HDAC2: variants seen among roughly 807,000 people sequenced by gnomAD.
HDAC2 encodes YY1-associated factor 1.
A neutral mutation model predicts 68.5 loss-of-function variants in HDAC2; 5 were observed. The observed-to-expected ratio is 0.07, with a 90% CI of 0.04 to 0.15. HDAC2 has a LOEUF of 0.15. HDAC2 is among the 10% of genes least tolerant of loss of function. The probability of loss-of-function intolerance (pLI) is 1.00; values close to 1 mark genes in which losing one functional copy is unlikely to be tolerated. For missense variants in HDAC2, 291 were observed against 600.8 expected (o/e 0.48, Z 5.39); for synonymous variants, 182 against 191.3 (o/e 0.95, Z 0.40).
chr6:113,949,073 C>T lies in HDAC2; in HGVS notation c.747G>A (p.Val249=). ...CAGCACTAGGTTGATACATCTCCAT[C>T]ACCTTTGAGATAATCTACACACAAG... The part of the protein sequence containing the change: ...GQIFKPIISK[V]MEMYQPSAVV... Residue 249 remains valine (V), a synonymous_variant, in exon 8 of 14, where the codon GTG becomes GTA. Transcript: ENST00000519065. 6.2e-7 allele frequency: 1 copy of T among 1,613,350 alleles called. No homozygotes were observed. The highest frequency in any genetic ancestry group is 8.5e-7 in the Non-Finnish European group (1 of 1,179,450).
intron 9 of HDAC2, among the ~76,000 whole-genome samples, 166 bp downstream of exon 9, chr6:113,945,842 T>C (rs550474530): frequency 6.6e-6 from 1 of 152,354 alleles, no homozygotes; most frequent in South Asian, 2.1e-4. Context: ...ACGTTTAAAG[T>C]AGGCTGGGCT....
chr6:113,944,257 G>T, intron 11 of HDAC2, 23 bp downstream of exon 11: 1 of 1,596,326 alleles, frequency 6.3e-7, no homozygotes. Context: ...TGACAAATTG[G>T]AAAAATAAAG....
chr6:113,962,954 ACT>A (rs1444824940), intron 1 of HDAC2, among the ~76,000 whole-genome samples: 1 of 142,934 alleles, frequency 7.0e-6, no homozygotes, highest in African/African-American at 2.6e-5. Flanking sequence ...ACAGAGCGAG[ACT>A]CTGTATCAAA....
In HDAC2 at chr6:113,934,726, T is replaced by G. The variant is rs974676812; in HGVS notation, c.*6332A>C. 1 of 152,188 alleles carries G rather than the reference T, an allele frequency of 6.6e-6. No homozygotes were observed. Among genetic ancestry groups the G allele is most frequent in the Non-Finnish European group, 1.5e-5 (1 of 68,040 alleles). The allele number at this position is 152,188 out of a possible 1,614,324, so 9.4% of individuals were successfully genotyped here. A position where few individuals can be genotyped will look rare whatever the true frequency, so the allele number is the denominator to read the frequency against. ...CCATTTACTTTAAGACATATAAATTTGGATTTCAAACAAAACAGCTTACAA... is the reference window on the plus strand; with the variant it reads ...CCATTTACTTTAAGACATATAAATTGGGATTTCAAACAAAACAGCTTACAA... On this transcript the variant is annotated 3_prime_UTR_variant, in exon 14 of 14. Coordinates refer to ENST00000519065, the MANE Select transcript of HDAC2 (RefSeq NM_001527.4).
At chr6:113,946,275 A>C in intron 8 of HDAC2, 127 bp from the exon 9 acceptor site, 1 of 681,930 alleles carries the variant, frequency 1.5e-6, no homozygotes. Context: ...TTTTAAAAAC[A>C]AATAAAAATG....
Position 113,939,970 on chromosome 6 carries a change from T to C in HDAC2, c.*1088A>G, listed in dbSNP as rs1039493021. 1 of 152,200 alleles carries C rather than the reference T, an allele frequency of 6.6e-6. No individual in the cohort carries two copies. The highest frequency in any genetic ancestry group is 2.4e-5 in the African/African-American group (1 of 41,450). The allele number at this position is 152,200 out of a possible 1,614,324, so 9.4% of individuals were successfully genotyped here. On this transcript the variant is annotated 3_prime_UTR_variant, in exon 14 of 14. Transcript: ENST00000519065. ...TCTGTAATTTTTAATCTCAAAAGAA[T>C]CAATGTGGGCCTGACAAAAAGGGAG...
intron 12 of HDAC2, among the ~76,000 whole-genome samples, chr6:113,943,086 T>C (rs1168368942): frequency 6.6e-6 from 1 of 152,182 alleles, no homozygotes; most frequent in Admixed American, 6.5e-5. Flanking sequence ...AACCAATCTA[T>C]ATCACAATGC....
chr6:113,939,608 A>G lies in HDAC2; in HGVS notation c.*1450T>C, dbSNP rs566110262. On this transcript the variant is annotated 3_prime_UTR_variant, in exon 14 of 14. Transcript: ENST00000519065. ...ACAGATTGATAACAAATATGTAGCA[A>G]AAGTACAAAAACATGGGTAAAATAT... 18 of 152,308 alleles carry G rather than the reference A, an allele frequency of 1.2e-4. No individual in the cohort carries two copies. The highest frequency in any genetic ancestry group is 3.8e-4 in the African/African-American group (16 of 41,570). 9.4% of individuals were successfully genotyped at this position (152,308 alleles called of 1,614,324 possible). A position where few individuals can be genotyped will look rare whatever the true frequency, so the allele number is the denominator to read the frequency against.
intron 5 of HDAC2, 91 bp downstream of exon 5, chr6:113,955,922 C>A: frequency 1.2e-6 from 1 of 864,928 alleles, no homozygotes; most frequent in Non-Finnish European, 1.7e-6. Flanking sequence ...CTATGGTTTA[C>A]CTAATATTTT....
At chr6:113,952,387 A>G (rs1341071278) in intron 6 of HDAC2, among the ~76,000 whole-genome samples, 1 of 152,366 alleles carries the variant, frequency 6.6e-6, no homozygotes, top group South Asian at 2.1e-4. Flanking sequence ...TTACTCAAAG[A>G]GTTTACTGAG....
Position 113,944,428 on chromosome 6 carries a change from A to AG in HDAC2, c.1092-19dup. 6.2e-7 allele frequency: 1 copy of AG among 1,601,154 alleles called. No homozygotes were observed. Among genetic ancestry groups the AG allele is most frequent in the Non-Finnish European group, 8.5e-7 (1 of 1,172,960 alleles). The stretch of plus-strand genomic sequence containing the variant: ...AACGCTGTCTAAATTACACATGCAA[A>AG]GTTTATTAGACAAAATTAAATTTCT... On this transcript the variant is annotated intron_variant, in intron 10 of 13. Coordinates refer to ENST00000519065, the MANE Select transcript of HDAC2 (RefSeq NM_001527.4).
At chr6:113,970,798 G>C in intron 1 of HDAC2, 59 bp downstream of exon 1, 3 of 1,455,204 alleles carry the variant, frequency 2.1e-6, no homozygotes, top group Non-Finnish European at 2.7e-6. Context: ...CGCGACGGCA[G>C]CCGCGGAACC....
In HDAC2 at chr6:113,936,578, C is replaced by T. The variant is rs1776003263; in HGVS notation, c.*4480G>A. On this transcript the variant is annotated 3_prime_UTR_variant, in exon 14 of 14. Coordinates refer to ENST00000519065, the MANE Select transcript of HDAC2 (RefSeq NM_001527.4). ...CCACTATGACCTAGTAGTCTTCACA[C>T]TAGTAGGCATCAAACTGCAATAAAA... 1 of 152,136 alleles carries T rather than the reference C, an allele frequency of 6.6e-6. No individual in the cohort carries two copies. The highest frequency in any genetic ancestry group is 2.4e-5 in the African/African-American group (1 of 41,418). 9.4% of individuals were successfully genotyped at this position (152,136 alleles called of 1,614,324 possible). A position where few individuals can be genotyped will look rare whatever the true frequency, so the allele number is the denominator to read the frequency against.
Position 113,971,030 on chromosome 6 carries a change from G to T in HDAC2, c.-122C>A, listed in dbSNP as rs373545886. 5 of 1,574,880 alleles carry T rather than the reference G, an allele frequency of 3.2e-6. No individual in the cohort carries two copies. The African/African-American group carries it at 6.7e-5, about 21-fold the overall frequency. Reference sequence around the variant, plus strand: ...GGAAACGTGGGGGCGATAGTCCCGCGGGGAAGGGCAGGCCGGTGGGAGGAG... The same window carrying T: ...GGAAACGTGGGGGCGATAGTCCCGCTGGGAAGGGCAGGCCGGTGGGAGGAG... On this transcript the variant is annotated 5_prime_UTR_variant, in exon 1 of 14. Coordinates refer to ENST00000519065, the MANE Select transcript of HDAC2 (RefSeq NM_001527.4).
chr6:113,966,675 C>T (rs1274170601), intron 1 of HDAC2, among the ~76,000 whole-genome samples: 1 of 151,382 alleles, frequency 6.6e-6, no homozygotes, highest in African/African-American at 2.4e-5. Flanking sequence ...ACAGACTGTC[C>T]TAATGAAGCT....
At chr6:113,944,485 A>G in intron 10 of HDAC2, 75 bp from the exon 11 acceptor site, 3 of 1,335,894 alleles carry the variant, frequency 2.2e-6, no homozygotes, top group Admixed American at 1.9e-5. Flanking sequence ...GAAAATATTT[A>G]GCAAAAAATT....
Position 113,943,282 on chromosome 6 carries a change from A to G in HDAC2, c.1378+69T>C, listed in dbSNP as rs1562140250. On this transcript the variant is annotated intron_variant, in intron 12 of 13. Transcript: ENST00000519065. ...TGTGCAACTGACTTCTCGATAGCAT[A>G]AACATTATAATGCAGCCCAATTTTT... 7.0e-6 allele frequency: 9 copies of G among 1,284,210 alleles called. No individual in the cohort carries two copies. The East Asian group carries it at 7.1e-5, about 10-fold the overall frequency. 79.6% of individuals were successfully genotyped at this position (1,284,210 alleles called of 1,614,324 possible). A position where few individuals can be genotyped will look rare whatever the true frequency, so the allele number is the denominator to read the frequency against.
At chr6:113,956,467 T>G in intron 4 of HDAC2, 152 bp downstream of exon 4, 1 of 619,530 alleles carries the variant, frequency 1.6e-6, no homozygotes, top group Non-Finnish European at 2.9e-6. Context: ...AACATAGAGG[T>G]TTGAAAGTAA....
intron 12 of HDAC2, 65 bp downstream of exon 12, chr6:113,943,286 A>G (rs1468306622): frequency 1.5e-6 from 2 of 1,339,894 alleles, no homozygotes; most frequent in Admixed American, 2.0e-5. Context: ...TAGCATAAAC[A>G]TTATAATGCA....
Sources: allele counts gnomAD v4.1 joint callset (sites outside exome capture counted in the v4.1 genomes callset), GRCh38; gene constraint gnomAD v4.1.1; transcripts MANE v1.5; gene names NCBI Gene and HGNC (gene_info 2026-07-23, HGNC 2026-07-21).